Variants in ATG10 observed in about 807,000 individuals in gnomAD.
The protein encoded by ATG10 is ubiquitin-like-conjugating enzyme ATG10.
In ATG10, 30 loss-of-function variants were observed where a neutral mutation model predicts 32.1. The ratio of observed to expected loss-of-function variants is 0.94; its 90% CI spans 0.70 to 1.27. The LOEUF is 1.27. Ranked by LOEUF, ATG10 falls within the 50% of genes most tolerant of loss-of-function variation. The pLI, the probability that ATG10 is intolerant of heterozygous loss-of-function variation, is 0.00. For synonymous variants in ATG10, 87 were observed against 91.5 expected (o/e 0.95, Z 0.28); for missense variants, 233 against 262.3 (o/e 0.89, Z 0.77).
chr5:81,984,277 A>G (rs888830626), intron 1 of ATG10, among the ~76,000 whole-genome samples: 2 of 152,160 alleles, frequency 1.3e-5, no homozygotes, highest in Non-Finnish European at 2.9e-5. Context: ...AAATACGAAA[A>G]CCAGTCAGGC....
chr5:81,995,488 AC>A (rs748072284), intron 2 of ATG10, among the ~76,000 whole-genome samples: 1 of 152,076 alleles, frequency 6.6e-6, no homozygotes, highest in Non-Finnish European at 1.5e-5. Flanking sequence ...ACAGTAGAGA[AC>A]TTTAAGTCTA....
At chr5:82,136,660 T>G (rs1181803798) in intron 3 of ATG10, among the ~76,000 whole-genome samples, 1 of 152,190 alleles carries the variant, frequency 6.6e-6, no homozygotes, top group Non-Finnish European at 1.5e-5. Flanking sequence ...TTCCTTCATT[T>G]CAGCCTTGGT....
chr5:82,026,856 CGA>C (rs2149711422), intron 2 of ATG10, among the ~76,000 whole-genome samples: 1 of 151,662 alleles, frequency 6.6e-6, no homozygotes, highest in East Asian at 2.0e-4. Context: ...GTCAGGAGTT[CGA>C]GACCACCCTG....
At chr5:81,980,591 C>T (rs927503020) in intron 1 of ATG10, among the ~76,000 whole-genome samples, 5 of 151,332 alleles carry the variant, frequency 3.3e-5, no homozygotes, top group African/African-American at 9.7e-5. Context: ...TTGAATCTTT[C>T]GGTCCTGTAA....
intron 3 of ATG10, among the ~76,000 whole-genome samples, chr5:82,157,967 T>G (rs1408975346): frequency 6.6e-6 from 1 of 152,196 alleles, no homozygotes; most frequent in African/African-American, 2.4e-5. Flanking sequence ...TTATTAGTGA[T>G]AGAAGAAAAG....
chr5:81,989,603 AT>A (rs558779158), intron 2 of ATG10, among the ~76,000 whole-genome samples: 224 of 143,782 alleles, frequency 1.6e-3, no homozygotes, highest in African/African-American at 3.0e-3. Context: ...TTATGTTTCA[AT>A]TTTTTTTTTT....
At chr5:81,977,636 G>C (rs912887919) in intron 1 of ATG10, among the ~76,000 whole-genome samples, 5 of 152,156 alleles carry the variant, frequency 3.3e-5, no homozygotes, top group Non-Finnish European at 7.3e-5. Context: ...CCCTGTCTTT[G>C]CAGGAGCTCC....
intron 5 of ATG10, among the ~76,000 whole-genome samples, chr5:82,248,738 ATATCT>A (rs1010594161): frequency 6.6e-6 from 1 of 152,108 alleles, no homozygotes; most frequent in African/African-American, 2.4e-5. Context: ...AAAAGATTAC[ATATCT>A]TATAATTCCT....
At chr5:82,069,129 C>G (rs1764040725) in intron 3 of ATG10, among the ~76,000 whole-genome samples, 1 of 151,924 alleles carries the variant, frequency 6.6e-6, no homozygotes, top group African/African-American at 2.4e-5. Context: ...AAGGGAATTC[C>G]CATTAGCATA....
intron 3 of ATG10, among the ~76,000 whole-genome samples, chr5:82,118,400 A>ATATATATATATATGTATATAT (rs371581160): frequency 8.6e-6 from 1 of 115,836 alleles, no homozygotes; most frequent in Non-Finnish European, 1.9e-5. Context: ...ATATATATAT[A>ATATATATATATATGTATATAT]TATATGTATG....
chr5:82,052,381 C>T (rs1763459044), intron 2 of ATG10, among the ~76,000 whole-genome samples: 1 of 152,114 alleles, frequency 6.6e-6, no homozygotes, highest in Admixed American at 6.6e-5. Context: ...CTTAGATCTC[C>T]ATCCAAAATG....
chr5:82,079,366 C>CTT (rs763929580), intron 3 of ATG10, among the ~76,000 whole-genome samples: 2 of 142,914 alleles, frequency 1.4e-5, no homozygotes, highest in Admixed American at 7.0e-5. Context: ...TTCAGGGAAA[C>CTT]TTTTTTTTTT....
At chr5:82,246,339 G>T (rs1747032987) in intron 5 of ATG10, among the ~76,000 whole-genome samples, 1 of 151,802 alleles carries the variant, frequency 6.6e-6, no homozygotes, top group Non-Finnish European at 1.5e-5. Flanking sequence ...CCAAAGTGCT[G>T]GGATTACAGG....
intron 5 of ATG10, among the ~76,000 whole-genome samples, chr5:82,247,604 A>G (rs1371642292): frequency 6.6e-6 from 1 of 151,984 alleles, no homozygotes; most frequent in Non-Finnish European, 1.5e-5. Flanking sequence ...GCTGCTTTGA[A>G]TTATTTGTAA....
intron 1 of ATG10, among the ~76,000 whole-genome samples, chr5:81,974,103 CAGA>C (rs1346210852): frequency 1.3e-5 from 2 of 152,104 alleles, no homozygotes; most frequent in East Asian, 3.9e-4. Context: ...GTAAAGCTTA[CAGA>C]AGATTTCTTA....
chr5:81,973,633 C>G (rs1342836473), intron 1 of ATG10, among the ~76,000 whole-genome samples: 1 of 152,142 alleles, frequency 6.6e-6, no homozygotes, highest in African/African-American at 2.4e-5. Context: ...GTGGCAAAAA[C>G]AAGTTTATGC....
chr5:82,087,639 C>T (rs1349986263), intron 3 of ATG10, among the ~76,000 whole-genome samples: 2 of 152,150 alleles, frequency 1.3e-5, no homozygotes, highest in Non-Finnish European at 2.9e-5. Context: ...CAAAGCCCTG[C>T]TCTCAGAATC....
intron 3 of ATG10, among the ~76,000 whole-genome samples, chr5:82,152,525 C>G (rs1161441446): frequency 6.6e-6 from 1 of 152,198 alleles, no homozygotes; most frequent in Non-Finnish European, 1.5e-5. Context: ...CAATCACAAC[C>G]ACTGGCGCAG....
intron 5 of ATG10, among the ~76,000 whole-genome samples, chr5:82,247,846 G>A (rs747660721): frequency 4.6e-5 from 7 of 152,056 alleles, no homozygotes; most frequent in Non-Finnish European, 8.8e-5. Flanking sequence ...GGCTTTATCT[G>A]CAGATTTTTT....
Sources: gnomAD v4.1 joint callset for allele counts (sites outside exome capture counted in the v4.1 genomes callset) on GRCh38, gnomAD v4.1.1 for gene constraint, MANE v1.5 for transcripts, NCBI Gene and HGNC (gene_info 2026-07-23, HGNC 2026-07-21) for gene names.